The following TRPM3 variants were observed in gnomAD, a reference collection of about 807,000 sequenced individuals.
TRPM3 encodes the protein long transient receptor potential channel 3.
Under a neutral mutation model 181.2 loss-of-function variants are expected in TRPM3, and 77 were observed. The observed-to-expected ratio is 0.42, with a 90% confidence interval of 0.35 to 0.51. The LOEUF is 0.51. TRPM3 is among the 20% of genes least tolerant of loss of function. The pLI, the probability that TRPM3 is intolerant of heterozygous loss-of-function variation, is 0.01. For missense variants in TRPM3, 1,759 were observed against 2,196.7 expected (o/e 0.80, Z 3.98); for synonymous variants, 745 against 796.4 (o/e 0.94, Z 1.09).
chr9:70,698,024 A>G (rs1351172788), intron 8 of TRPM3, among the ~76,000 whole-genome samples: 2 of 152,078 alleles, frequency 1.3e-5, no homozygotes, highest in Non-Finnish European at 2.9e-5. Flanking sequence ...CCTAGCCAAC[A>G]TGGTGAAACC....
At chr9:71,423,465 C>G (rs2093812653) in intron 1 of TRPM3, among the ~76,000 whole-genome samples, 1 of 152,042 alleles carries the variant, frequency 6.6e-6, no homozygotes, top group South Asian at 2.1e-4. Context: ...CCTTTGTTTA[C>G]TGAGAATAAT....
At chr9:70,652,363 G>C (rs2059705618) in intron 9 of TRPM3, among the ~76,000 whole-genome samples, 1 of 152,072 alleles carries the variant, frequency 6.6e-6, no homozygotes, top group African/African-American at 2.4e-5. Context: ...GGGAAGCCAG[G>C]GTTGGAGGCA....
chr9:71,270,518 C>G (rs1256795089), intron 1 of TRPM3, among the ~76,000 whole-genome samples: 1 of 152,198 alleles, frequency 6.6e-6, no homozygotes, highest in African/African-American at 2.4e-5. Context: ...TGGCAACACC[C>G]AGGTTCCCCT....
rs568553862 is a variant in TRPM3, at chr9:71,093,529, G to T, written c.177+27649C>A. On this transcript the variant is annotated intron_variant, in intron 1 of 25. Transcript: ENST00000677713. ...CATTAGTGAAATACAAATCAAAACC[G>T]CAATGACATATCATCTCACACCAGT... Among the ~76,000 whole-genome samples, 3 of 152,064 alleles carry T rather than the reference G, an allele frequency of 2.0e-5. 1 individual carries two copies. In the South Asian group the frequency reaches 6.2e-4, roughly 32 times the overall value.
intron 1 of TRPM3, among the ~76,000 whole-genome samples, chr9:71,232,731 C>T (rs760311268): frequency 1.3e-5 from 2 of 152,008 alleles, no homozygotes; most frequent in Non-Finnish European, 2.9e-5. Flanking sequence ...GAACTCCAGA[C>T]CTCGTGATCT....
chr9:70,769,827 T>C (rs2079881896), intron 7 of TRPM3, among the ~76,000 whole-genome samples: 1 of 152,156 alleles, frequency 6.6e-6, no homozygotes, highest in South Asian at 2.1e-4. Context: ...GTGCCTTAAG[T>C]TCTAGAAGAG....
intron 1 of TRPM3, among the ~76,000 whole-genome samples, chr9:71,058,763 G>C (rs1014141441): frequency 1.9e-4 from 29 of 151,910 alleles, no homozygotes; most frequent in Non-Finnish European, 4.0e-4. Context: ...ATGTAAATAA[G>C]CCAAAACCTA....
chr9:71,186,757 A>G (rs1300324675), intron 1 of TRPM3, among the ~76,000 whole-genome samples: 1 of 152,052 alleles, frequency 6.6e-6, no homozygotes, highest in African/African-American at 2.4e-5. Flanking sequence ...TGTAAAAAGA[A>G]CAGATTTGAC....
chr9:71,173,099 C>T (rs1360527968), intron 1 of TRPM3, among the ~76,000 whole-genome samples: 2 of 152,164 alleles, frequency 1.3e-5, no homozygotes, highest in East Asian at 1.9e-4. Flanking sequence ...GTCAATGATG[C>T]CTTATGTACC....
rs374070652 is a variant in TRPM3, at chr9:70,537,316, G to A, written c.3797C>T (p.Ala1266Val). 3.7e-5 allele frequency: 56 copies of A among 1,527,392 alleles called. No individual in the cohort carries two copies. The highest frequency in any genetic ancestry group is 4.3e-5 in the Non-Finnish European group (49 of 1,135,612). 94.6% of individuals were successfully genotyped at this position (1,527,392 alleles called of 1,614,324 possible). Residue 1266 changes from alanine (A) to valine (V), a missense_variant, in exon 26 of 26, where the codon GCG (alanine) becomes GTG (valine). By Grantham distance (64) the Ala-to-Val change is moderately conservative (BLOSUM62 0). Transcript: ENST00000677713. ...ASLQTVDIRL[A>V]QLEDLIGRMA... Reference sequence around the variant, plus strand: ...GCGCCCGATAAGGTCTTCCAGCTGCGCCAGCCGGATGTCCACGGTCTGGAG... The same window carrying A: ...GCGCCCGATAAGGTCTTCCAGCTGCACCAGCCGGATGTCCACGGTCTGGAG...
At chr9:70,929,468 C>A (rs1367466517) in intron 1 of TRPM3, among the ~76,000 whole-genome samples, 1 of 152,140 alleles carries the variant, frequency 6.6e-6, no homozygotes, top group African/African-American at 2.4e-5. Flanking sequence ...TCCCAAAGTG[C>A]TGGGATTACA....
At chr9:70,740,417 A>G (rs1386782466) in intron 8 of TRPM3, among the ~76,000 whole-genome samples, 3 of 152,188 alleles carry the variant, frequency 2.0e-5, no homozygotes, top group Non-Finnish European at 4.4e-5. Context: ...AAAGCAGCCT[A>G]AAAATTCAAT....
chr9:70,759,193 AAAG>A lies in TRPM3; in HGVS notation c.1272+2405_1272+2407del, dbSNP rs915856930. ...AAAGGATATGAACAGACAATCCTCA[AAAG>A]AAGACACTTAACGCAGCTAACAAAC... On this transcript the variant is annotated intron_variant, in intron 8 of 25. Coordinates refer to ENST00000677713, the MANE Select transcript of TRPM3 (RefSeq NM_001366145.2). Among the ~76,000 whole-genome samples, 103 of 152,346 alleles carry A rather than the reference AAAG, an allele frequency of 6.8e-4. 3 individuals carry two copies. Among genetic ancestry groups the A allele is most frequent in the African/African-American group, 2.4e-3 (98 of 41,586 alleles).
intron 1 of TRPM3, among the ~76,000 whole-genome samples, chr9:71,381,643 C>T (rs1359343630): frequency 6.6e-6 from 1 of 152,136 alleles, no homozygotes; most frequent in Non-Finnish European, 1.5e-5. Context: ...GTGTTCACAA[C>T]ATGACTTAGT....
chr9:71,427,279 G>A (rs1301770844), intron 1 of TRPM3, among the ~76,000 whole-genome samples: 2 of 152,012 alleles, frequency 1.3e-5, no homozygotes, highest in Non-Finnish European at 2.9e-5. Context: ...AAACTGTCAT[G>A]CCCAGACCAT....
At chr9:71,393,242 T>TA (rs1173119009) in intron 1 of TRPM3, among the ~76,000 whole-genome samples, 1 of 152,192 alleles carries the variant, frequency 6.6e-6, no homozygotes, top group East Asian at 1.9e-4. Flanking sequence ...AGGGAATGCA[T>TA]AGAACGGAAG....
At chr9:70,690,917 T>C (rs530168995) in intron 8 of TRPM3, among the ~76,000 whole-genome samples, 1 of 152,318 alleles carries the variant, frequency 6.6e-6, no homozygotes, top group Admixed American at 6.5e-5. Flanking sequence ...TCGTATTCGA[T>C]TTTCAGTCTT....
At chr9:71,183,544 TTTA>T (rs1378560532) in intron 1 of TRPM3, among the ~76,000 whole-genome samples, 3 of 152,138 alleles carry the variant, frequency 2.0e-5, no homozygotes, top group Non-Finnish European at 4.4e-5. Context: ...CTGCATAATA[TTTA>T]TTATTATATA....
At chr9:71,191,700 T>A (rs1441228852) in intron 1 of TRPM3, among the ~76,000 whole-genome samples, 2 of 151,730 alleles carry the variant, frequency 1.3e-5, no homozygotes, top group African/African-American at 4.8e-5. Flanking sequence ...TTGGAGTAGT[T>A]CTTTTTAAAA....
Sources: allele counts gnomAD v4.1 joint callset (sites outside exome capture counted in the v4.1 genomes callset), GRCh38; gene constraint gnomAD v4.1.1; transcripts MANE v1.5; gene names NCBI Gene and HGNC (gene_info 2026-07-23, HGNC 2026-07-21).